The following IGF2BP2 variants were observed in gnomAD, a reference collection of about 807,000 sequenced individuals.
IGF2BP2 encodes insulin like growth factor 2 mRNA binding protein 2, also known as insulin-like growth factor 2 mRNA-binding protein 2.
In IGF2BP2, 17 loss-of-function variants were observed where a neutral mutation model predicts 75.8. The ratio of observed to expected loss-of-function variants is 0.22; its 90% CI spans 0.15 to 0.34. IGF2BP2 has a LOEUF of 0.34. Ranked by LOEUF, IGF2BP2 falls within the 10% of genes least tolerant of loss-of-function variation. The pLI, the probability that IGF2BP2 is intolerant of heterozygous loss-of-function variation, is 1.00. For synonymous variants in IGF2BP2, 288 were observed against 295.6 expected, an observed-to-expected ratio of 0.97 and a Z score of 0.26; for missense variants, 516 against 772.4, an observed-to-expected ratio of 0.67 and a Z score of 3.93.
intron 2 of IGF2BP2, 148 bp downstream of exon 2, chr3:185,823,003 AGT>A: frequency 2.0e-6 from 1 of 500,152 alleles, no homozygotes. Context: ...AAAAAAAAAA[AGT>A]AGCTTTCTAA....
At chr3:185,698,385 A>G (rs766290889) in intron 2 of IGF2BP2, 38 bp from the exon 3 acceptor site, 6 of 1,587,276 alleles carry the variant, frequency 3.8e-6, no homozygotes, top group Non-Finnish European at 5.2e-6. Context: ...CACTTTCTCC[A>G]GGACACAAAC....
At chr3:185,755,082 GA>G (rs936463347) in intron 2 of IGF2BP2, among the ~76,000 whole-genome samples, 1 of 152,138 alleles carries the variant, frequency 6.6e-6, no homozygotes, top group Non-Finnish European at 1.5e-5. Flanking sequence ...GACAATGGGG[GA>G]AAAAAGCCTC....
chr3:185,741,445 T>C (rs1729543519), intron 2 of IGF2BP2, among the ~76,000 whole-genome samples: 2 of 152,192 alleles, frequency 1.3e-5, no homozygotes, highest in South Asian at 4.1e-4. Context: ...TTCTTTCCTA[T>C]TCAGGATCCA....
intron 2 of IGF2BP2, among the ~76,000 whole-genome samples, chr3:185,715,181 G>A (rs1001504964): frequency 5.9e-5 from 9 of 152,156 alleles, no homozygotes; most frequent in Non-Finnish European, 1.2e-4. Context: ...TAGAGGGGTC[G>A]GGAAAGATAT....
At chr3:185,669,157 G>A (rs1170343827) in intron 10 of IGF2BP2, among the ~76,000 whole-genome samples, 1 of 152,136 alleles carries the variant, frequency 6.6e-6, no homozygotes, top group Admixed American at 6.5e-5. Flanking sequence ...CACTCTTGAT[G>A]GGAATGAAAA....
intron 7 of IGF2BP2, among the ~76,000 whole-genome samples, chr3:185,678,025 G>A (rs893080190): frequency 2.6e-5 from 4 of 152,152 alleles, no homozygotes; most frequent in Admixed American, 1.3e-4. Context: ...GAACAAAGGG[G>A]CATAGAGCTT....
intron 2 of IGF2BP2, among the ~76,000 whole-genome samples, chr3:185,722,830 T>TA (rs1199139054): frequency 2.6e-5 from 4 of 152,190 alleles, no homozygotes. Flanking sequence ...AGTACACATA[T>TA]ATATGTGCTA....
chr3:185,673,716 A>T (rs1418552988), intron 9 of IGF2BP2, among the ~76,000 whole-genome samples: 2 of 152,092 alleles, frequency 1.3e-5, no homozygotes, highest in East Asian at 1.9e-4. Context: ...TCTTTTTTTT[A>T]GAACTTTTGG....
intron 2 of IGF2BP2, chr3:185,767,990 T>C (rs1283554910): frequency 2.6e-5 from 4 of 152,204 alleles, no homozygotes; most frequent in Admixed American, 2.0e-4. Context: ...TAAAAAAATC[T>C]GAAATGTGGA....
chr3:185,698,521 C>T (rs61360576), intron 2 of IGF2BP2, among the ~76,000 whole-genome samples, 174 bp from the exon 3 acceptor site: 2 of 151,930 alleles, frequency 1.3e-5, no homozygotes, highest in Non-Finnish European at 1.5e-5. Flanking sequence ...TGTTTTTTTT[C>T]GAGCCAGAGT....
chr3:185,801,202 G>C (rs1434111087), intron 2 of IGF2BP2, among the ~76,000 whole-genome samples: 2 of 152,128 alleles, frequency 1.3e-5, no homozygotes, highest in Non-Finnish European at 2.9e-5. Context: ...TAAAAAGTCA[G>C]GAAACAGCTG....
At chr3:185,794,045 C>T (rs977664536) in intron 2 of IGF2BP2, among the ~76,000 whole-genome samples, 1 of 149,918 alleles carries the variant, frequency 6.7e-6, no homozygotes, top group Non-Finnish European at 1.5e-5. Context: ...GCAGTCTCAA[C>T]CTCCTGGGCT....
intron 2 of IGF2BP2, among the ~76,000 whole-genome samples, chr3:185,790,231 A>G (rs1366268952): frequency 6.6e-6 from 1 of 152,134 alleles, no homozygotes; most frequent in Non-Finnish European, 1.5e-5. Context: ...AATCCCTTAA[A>G]CAGGCAGATC....
chr3:185,712,019 A>G (rs1254540975), intron 2 of IGF2BP2, among the ~76,000 whole-genome samples: 1 of 152,156 alleles, frequency 6.6e-6, no homozygotes, highest in Non-Finnish European at 1.5e-5. Flanking sequence ...TTTCCCATGA[A>G]ATGTGAATGA....
At chr3:185,742,597 C>T (rs556100479) in intron 2 of IGF2BP2, among the ~76,000 whole-genome samples, 3 of 152,096 alleles carry the variant, frequency 2.0e-5, no homozygotes, top group African/African-American at 7.2e-5. Flanking sequence ...TTTGAGGTTA[C>T]GGTGAGCTAT....
intron 7 of IGF2BP2, 146 bp downstream of exon 7, chr3:185,686,911 G>C: frequency 1.2e-6 from 1 of 836,434 alleles, no homozygotes; most frequent in Non-Finnish European, 1.9e-6. Context: ...ATTCTACTTG[G>C]GAACAAATTT....
At chr3:185,731,601 A>T (rs973095005) in intron 2 of IGF2BP2, among the ~76,000 whole-genome samples, 1 of 152,102 alleles carries the variant, frequency 6.6e-6, no homozygotes, top group Non-Finnish European at 1.5e-5. Context: ...GTCACTATGA[A>T]TTTTACAGAC....
chr3:185,731,246 CTTTTT>C (rs760172663), intron 2 of IGF2BP2, among the ~76,000 whole-genome samples: 3 of 129,254 alleles, frequency 2.3e-5, no homozygotes, highest in Admixed American at 7.9e-5. Context: ...GCATCACTTT[CTTTTT>C]TTTTTTTTTT....
chr3:185,821,159 T>C, intron 2 of IGF2BP2: 1 of 1,453,762 alleles, frequency 6.9e-7, no homozygotes, highest in Non-Finnish European at 9.0e-7. Flanking sequence ...TTTCTGCATT[T>C]AAACTAATAA....
Sources: allele counts gnomAD v4.1 joint callset (sites outside exome capture counted in the v4.1 genomes callset), GRCh38; gene constraint gnomAD v4.1.1; transcripts MANE v1.5; gene names NCBI Gene and HGNC (gene_info 2026-07-23, HGNC 2026-07-21).